The following ITPR1 variants were observed in gnomAD, a reference collection of about 807,000 sequenced individuals.
ITPR1 encodes inositol 1,4,5-trisphosphate receptor type 1.
A neutral mutation model predicts 318.4 loss-of-function variants in ITPR1; 96 were observed. That is an observed-to-expected ratio of 0.30 (90% CI 0.26 to 0.36). The LOEUF (loss-of-function observed/expected upper bound fraction) is 0.36, where lower values mean the gene tolerates loss of function less well. Among genes scored for constraint, ITPR1 ranks in the 10% least tolerant of loss-of-function variants. The pLI, the probability that ITPR1 is intolerant of heterozygous loss-of-function variation, is 1.00. For synonymous variants in ITPR1, 1,312 were observed against 1,289.9 expected (o/e 1.02, Z -0.37); for missense variants, 2,440 against 3,460.2 (o/e 0.71, Z 7.40).
intron 40 of ITPR1, chr3:4,724,230 C>T (rs904989071): frequency 2.6e-5 from 4 of 152,116 alleles, no homozygotes; most frequent in Non-Finnish European, 4.4e-5. Context: ...TTGTCTTTGC[C>T]GAAGTAGTTT....
At chr3:4,697,453 T>C (rs1373537767) in intron 34 of ITPR1, among the ~76,000 whole-genome samples, 181 bp downstream of exon 34, 3 of 130,598 alleles carry the variant, frequency 2.3e-5, no homozygotes, top group East Asian at 2.0e-4. Flanking sequence ...TATCCTTTCT[T>C]CCTTTTTTTT....
chr3:4,662,654 C>T (rs546624638), intron 15 of ITPR1, among the ~76,000 whole-genome samples: 1 of 152,216 alleles, frequency 6.6e-6, no homozygotes, highest in Non-Finnish European at 1.5e-5. Context: ...ACCCAGGAGG[C>T]GGAGGTTATA....
chr3:4,725,005 C>A (rs2042406486), intron 40 of ITPR1, among the ~76,000 whole-genome samples: 1 of 152,094 alleles, frequency 6.6e-6, no homozygotes, highest in Non-Finnish European at 1.5e-5. Flanking sequence ...ATCCCCTAAG[C>A]CCAAGCTGGA....
chr3:4,744,562 A>C (rs1046773198), intron 44 of ITPR1, among the ~76,000 whole-genome samples: 5 of 152,216 alleles, frequency 3.3e-5, no homozygotes, highest in Admixed American at 2.6e-4. Flanking sequence ...TTCCTGCTTC[A>C]GGGGCAGAGT....
intron 4 of ITPR1, among the ~76,000 whole-genome samples, chr3:4,622,040 G>C (rs2092655172): frequency 6.6e-6 from 1 of 151,420 alleles, no homozygotes; most frequent in Non-Finnish European, 1.5e-5. Flanking sequence ...TGGTATTGTG[G>C]TAACAGACTT....
intron 12 of ITPR1, among the ~76,000 whole-genome samples, chr3:4,654,816 G>T (rs1158384820): frequency 6.6e-6 from 1 of 152,194 alleles, no homozygotes; most frequent in African/African-American, 2.4e-5. Context: ...TGCTGTTATG[G>T]TTATCCTTCT....
At chr3:4,645,319 G>A (rs1454185149) in intron 8 of ITPR1, 68 bp from the exon 9 acceptor site, 2 of 1,084,486 alleles carry the variant, frequency 1.8e-6, no homozygotes, top group Non-Finnish European at 2.8e-6. Context: ...GCGGTGAGAA[G>A]TCTGGGGGCT....
intron 44 of ITPR1, among the ~76,000 whole-genome samples, chr3:4,756,022 C>CA (rs1404242042): frequency 6.6e-6 from 1 of 152,108 alleles, no homozygotes; most frequent in East Asian, 1.9e-4. Context: ...TCAGACCTTG[C>CA]AAAAAAGTTT....
intron 21 of ITPR1, 54 bp downstream of exon 21, chr3:4,673,441 AG>A (rs2094126330): frequency 6.7e-7 from 1 of 1,494,906 alleles, no homozygotes; most frequent in Non-Finnish European, 9.0e-7. Context: ...GGCAGTAGAT[AG>A]CCCCATATGG....
intron 14 of ITPR1, among the ~76,000 whole-genome samples, chr3:4,661,589 T>C (rs892774985): frequency 3.1e-4 from 47 of 152,242 alleles, no homozygotes; most frequent in Non-Finnish European, 6.6e-4. Flanking sequence ...GGTTTTCTTT[T>C]AACAAGTGGA....
At chr3:4,582,544 G>A (rs1309416929) in intron 4 of ITPR1, among the ~76,000 whole-genome samples, 1 of 152,166 alleles carries the variant, frequency 6.6e-6, no homozygotes, top group Non-Finnish European at 1.5e-5. Context: ...TGTGTTATCA[G>A]CTCCACACTT....
chr3:4,569,010 A>G (rs1036174862), intron 4 of ITPR1, among the ~76,000 whole-genome samples: 1 of 152,096 alleles, frequency 6.6e-6, no homozygotes, highest in Admixed American at 6.5e-5. Context: ...ACACGCTCTT[A>G]AACGACCAGA....
At chr3:4,828,344 T>C (rs1457568602) in intron 60 of ITPR1, among the ~76,000 whole-genome samples, 1 of 152,208 alleles carries the variant, frequency 6.6e-6, no homozygotes, top group Admixed American at 6.5e-5. Context: ...ATTTCTTAGC[T>C]AATTGAAAGT....
At chr3:4,559,774 C>A (rs772916239) in intron 4 of ITPR1, among the ~76,000 whole-genome samples, 1 of 152,186 alleles carries the variant, frequency 6.6e-6, no homozygotes. Flanking sequence ...ACACAAGGAA[C>A]CTGAAGCCCA....
chr3:4,646,502 T>G (rs996296699), intron 10 of ITPR1, among the ~76,000 whole-genome samples: 1 of 152,196 alleles, frequency 6.6e-6, no homozygotes, highest in Non-Finnish European at 1.5e-5. Context: ...CATGGGAAAT[T>G]AAACAGAACT....
chr3:4,674,792 T>C (rs2094151538), intron 22 of ITPR1, among the ~76,000 whole-genome samples: 1 of 152,138 alleles, frequency 6.6e-6, no homozygotes, highest in Non-Finnish European at 1.5e-5. Flanking sequence ...GCTTGCCTGG[T>C]GTTAATATTA....
chr3:4,675,276 T>C, intron 23 of ITPR1, 28 bp downstream of exon 23: 2 of 1,539,848 alleles, frequency 1.3e-6, no homozygotes, highest in Non-Finnish European at 1.8e-6. Flanking sequence ...CCCATACATC[T>C]GAGAGATGCC....
At chr3:4,627,712 A>T in intron 4 of ITPR1, 51 bp from the exon 5 acceptor site, 3 of 1,041,674 alleles carry the variant, frequency 2.9e-6, no homozygotes, top group Admixed American at 1.7e-5. Flanking sequence ...CCTTAGGCTG[A>T]GTCTCTATAC....
intron 54 of ITPR1, among the ~76,000 whole-genome samples, chr3:4,801,851 G>A (rs1050078734): frequency 1.3e-5 from 2 of 152,222 alleles, no homozygotes; most frequent in African/African-American, 4.8e-5. Context: ...ATTGAGAAGA[G>A]TTCTTTGGTT....
Sources: allele counts gnomAD v4.1 joint callset (sites outside exome capture counted in the v4.1 genomes callset), GRCh38; gene constraint gnomAD v4.1.1; transcripts MANE v1.5; gene names NCBI Gene and HGNC (gene_info 2026-07-23, HGNC 2026-07-21).